NR3C2: variants seen among roughly 807,000 people sequenced by gnomAD.
NR3C2 encodes the protein mineralocorticoid receptor.
NR3C2 carries 15 observed loss-of-function variants against 86.4 expected under a neutral mutation model. That is an observed-to-expected ratio of 0.17 (90% confidence interval 0.12 to 0.27). NR3C2 has a LOEUF of 0.27. Ranked by LOEUF, NR3C2 falls within the 10% of genes least tolerant of loss-of-function variation. NR3C2 has a pLI of 1.00. For missense variants in NR3C2, 960 were observed against 1,195.6 expected (o/e 0.80, Z 2.91); for synonymous variants, 458 against 450.5 (o/e 1.02, Z -0.21).
chr4:148,284,842 G>C (rs189036501), intron 2 of NR3C2, among the ~76,000 whole-genome samples: 249 of 152,162 alleles, frequency 1.6e-3, no homozygotes, highest in Non-Finnish European at 3.0e-3. Context: ...GAGGGGCTGG[G>C]GTCTTTGCAT....
intron 2 of NR3C2, among the ~76,000 whole-genome samples, chr4:148,347,800 A>G (rs1579189098): frequency 6.6e-6 from 1 of 152,058 alleles, no homozygotes; most frequent in Non-Finnish European, 1.5e-5. Context: ...AATAATAATA[A>G]CCAGCCAACC....
upstream of NR3C2, chr4:148,443,102 C>A: frequency 2.4e-6 from 1 of 423,446 alleles, no homozygotes; most frequent in Non-Finnish European, 3.2e-6. Context: ...AGAGCAGCAG[C>A]AGCCTTCGCT....
chr4:148,166,370 C>T (rs1006424522), intron 4 of NR3C2, among the ~76,000 whole-genome samples: 6 of 152,202 alleles, frequency 3.9e-5, no homozygotes, highest in East Asian at 1.9e-4. Flanking sequence ...GGCAGGGCCA[C>T]GCCAGAGTGG....
intron 2 of NR3C2, among the ~76,000 whole-genome samples, chr4:148,318,771 T>A (rs1579149344): frequency 2.0e-5 from 3 of 152,216 alleles, no homozygotes; most frequent in Non-Finnish European, 2.9e-5. Context: ...AGATTCTGGA[T>A]ATTAGTCCTT....
chr4:148,395,979 A>G (rs534721295), intron 2 of NR3C2, among the ~76,000 whole-genome samples: 1 of 152,350 alleles, frequency 6.6e-6, no homozygotes, highest in South Asian at 2.1e-4. Flanking sequence ...AAGGCATTCC[A>G]CTATGCTTAC....
chr4:148,138,538 C>G (rs1362386040), intron 6 of NR3C2, among the ~76,000 whole-genome samples: 1 of 152,004 alleles, frequency 6.6e-6, no homozygotes, highest in Non-Finnish European at 1.5e-5. Flanking sequence ...CACATGCCAC[C>G]ACACCTGGCT....
chr4:148,297,889 C>CAA (rs80142284), intron 2 of NR3C2, among the ~76,000 whole-genome samples: 23 of 103,606 alleles, frequency 2.2e-4, no homozygotes, highest in Middle Eastern at 5.2e-3. Context: ...AACTCCGTCT[C>CAA]AAAAAAAAAA....
At chr4:148,269,045 A>ACTCTCTG (rs1740535486) in intron 2 of NR3C2, among the ~76,000 whole-genome samples, 1 of 152,204 alleles carries the variant, frequency 6.6e-6, no homozygotes, top group Non-Finnish European at 1.5e-5. Context: ...CTCAGAGAGT[A>ACTCTCTG]AGGACTCCAT....
At chr4:148,285,984 T>C (rs1178808047) in intron 2 of NR3C2, among the ~76,000 whole-genome samples, 1 of 152,242 alleles carries the variant, frequency 6.6e-6, no homozygotes, top group African/African-American at 2.4e-5. Flanking sequence ...TTGCAATATG[T>C]GTTTAAAAAG....
chr4:148,267,616 C>A (rs1342261024), intron 2 of NR3C2, among the ~76,000 whole-genome samples: 2 of 152,086 alleles, frequency 1.3e-5, no homozygotes, highest in Non-Finnish European at 2.9e-5. Context: ...ACTTTGTGTG[C>A]ATATGGATTT....
intron 8 of NR3C2, among the ~76,000 whole-genome samples, chr4:148,099,320 T>C (rs974431621): frequency 6.6e-6 from 1 of 152,158 alleles, no homozygotes; most frequent in Non-Finnish European, 1.5e-5. Flanking sequence ...ATGCCCACTT[T>C]ATGGATAAGC....
chr4:148,324,130 A>G (rs1344282837), intron 2 of NR3C2, among the ~76,000 whole-genome samples: 1 of 152,178 alleles, frequency 6.6e-6, no homozygotes, highest in Non-Finnish European at 1.5e-5. Flanking sequence ...CAGAGAAAAC[A>G]GCATCAACCT....
In NR3C2 at chr4:148,326,095, T is replaced by C. The variant is rs544878127; in HGVS notation, c.1758-65978A>G. 2.0e-5 allele frequency among the ~76,000 whole-genome samples: 3 copies of C among 152,208 alleles called. No homozygotes were observed. In the South Asian group the frequency reaches 6.2e-4, roughly 32 times the overall value. ...GGTAAAAACTACAGATGTTTCATTTTAAAATACTTTTTGGGCCGGGTGCAG... is the reference window on the plus strand; with the variant it reads ...GGTAAAAACTACAGATGTTTCATTTCAAAATACTTTTTGGGCCGGGTGCAG... On this transcript the variant is annotated intron_variant, in intron 2 of 8. Coordinates refer to ENST00000358102, the MANE Select transcript of NR3C2 (RefSeq NM_000901.5).
In NR3C2 at chr4:148,259,960, A is replaced by G; in HGVS notation, c.1897+18T>C. ...CTAGGAAAAAATATGTAAAAGGAAC[A>G]CCCACATGAACATTTACCTTCCACT... On this transcript the variant is annotated intron_variant, in intron 3 of 8. Transcript: ENST00000358102. 1 of 1,613,996 alleles carries G rather than the reference A, an allele frequency of 6.2e-7. No individual in the cohort carries two copies. Among genetic ancestry groups the G allele is most frequent in the East Asian group, 2.2e-5 (1 of 44,870 alleles).
chr4:148,219,089 C>T lies in NR3C2; in HGVS notation c.1898-24227G>A, dbSNP rs142278720. Among the ~76,000 whole-genome samples, 845 of 152,238 alleles carry T rather than the reference C, an allele frequency of 5.6e-3. 5 individuals are homozygous for T. Among genetic ancestry groups the T allele is most frequent in the African/African-American group, 0.019 (788 of 41,534 alleles). On this transcript the variant is annotated intron_variant, in intron 3 of 8. Transcript: ENST00000358102. ...TTACATTTCCACCAGCAATATATGACGTGTTTTTCCATAACCTCACCAAAA... is the reference window on the plus strand; with the variant it reads ...TTACATTTCCACCAGCAATATATGATGTGTTTTTCCATAACCTCACCAAAA...
chr4:148,083,584 C>A (rs1730676787), intron 8 of NR3C2, among the ~76,000 whole-genome samples: 1 of 152,110 alleles, frequency 6.6e-6, no homozygotes, highest in South Asian at 2.1e-4. Flanking sequence ...TGGGGAGAAA[C>A]CAGTGCAAAA....
At position 148,339,940 on chromosome 4, in the gene NR3C2, T is replaced by A. The variant is rs371179763; in HGVS notation, c.1758-79823A>T. Among the ~76,000 whole-genome samples the A allele has an allele frequency of 6.6e-5, 10 of 152,062 alleles. No homozygotes were observed. The East Asian group carries it at 1.5e-3, about 23-fold the overall frequency. ...TTTAAAAAAGAAATTAAGAAAGCAA[T>A]CTCATTTACAGTGGCTCAAAAAAAA... On this transcript the variant is annotated intron_variant, in intron 2 of 8. Coordinates refer to ENST00000358102, the MANE Select transcript of NR3C2 (RefSeq NM_000901.5).
intron 8 of NR3C2, among the ~76,000 whole-genome samples, chr4:148,107,307 C>T (rs747459315): frequency 2.0e-5 from 3 of 152,182 alleles, no homozygotes; most frequent in Non-Finnish European, 2.9e-5. Flanking sequence ...TACCATCTCA[C>T]GCCAGTCAGA....
chr4:148,136,099 A>C (rs1303510784), intron 6 of NR3C2, among the ~76,000 whole-genome samples: 12 of 142,878 alleles, frequency 8.4e-5, no homozygotes, highest in African/African-American at 3.1e-4. Context: ...ACACCACCAA[A>C]ACCAACAAAA....
Sources: allele counts gnomAD v4.1 joint callset (sites outside exome capture counted in the v4.1 genomes callset), GRCh38; gene constraint gnomAD v4.1.1; transcripts MANE v1.5; gene names NCBI Gene and HGNC (gene_info 2026-07-23, HGNC 2026-07-21).